Variants in RUBCN observed in about 807,000 individuals in gnomAD.
The protein encoded by RUBCN is rubicon autophagy regulator, also known as run domain Beclin-1-interacting and cysteine-rich domain-containing protein.
Under a neutral mutation model 113.2 loss-of-function variants are expected in RUBCN, and 74 were observed. That is an observed-to-expected ratio of 0.65 (90% CI 0.54 to 0.79). The LOEUF (loss-of-function observed/expected upper bound fraction) is 0.79. Among genes scored for constraint, RUBCN ranks in the 30% least tolerant of loss-of-function variants. The probability of loss-of-function intolerance (pLI) is 0.00; values close to 1 mark genes in which losing one functional copy is unlikely to be tolerated. For missense variants in RUBCN, 1,109 were observed against 1,251.7 expected, an observed-to-expected ratio of 0.89 and a Z score of 1.72; for synonymous variants, 480 against 490.0, an observed-to-expected ratio of 0.98 and a Z score of 0.27.
intron 1 of RUBCN, among the ~76,000 whole-genome samples, chr3:197,742,054 C>T (rs2109022973): frequency 6.6e-6 from 1 of 151,818 alleles, no homozygotes; most frequent in Non-Finnish European, 1.5e-5. Flanking sequence ...CCCGCTGCCG[C>T]CTGGCTAATT....
intron 1 of RUBCN, among the ~76,000 whole-genome samples, chr3:197,721,128 G>C (rs1029440907): frequency 1.3e-5 from 2 of 152,108 alleles, no homozygotes; most frequent in Non-Finnish European, 2.9e-5. Context: ...TGGCCTTGTA[G>C]AATGAGTTTG....
At chr3:197,694,628 T>C (rs369260536) in intron 9 of RUBCN, 43 bp from the exon 10 acceptor site, 4 of 1,502,762 alleles carry the variant, frequency 2.7e-6, no homozygotes, top group Non-Finnish European at 2.8e-6. Flanking sequence ...GTTAGAAGTA[T>C]TGAATGACAT....
upstream of RUBCN, among the ~76,000 whole-genome samples, chr3:197,739,410 AAG>A (rs1280035831): frequency 6.7e-6 from 1 of 150,204 alleles, no homozygotes; most frequent in Non-Finnish European, 1.5e-5. Context: ...AAAAAAAAAA[AAG>A]GCCGGGCGTG....
chr3:197,675,381 G>A lies in RUBCN; in HGVS notation c.2740+41C>T. 6.4e-7 allele frequency: 1 copy of A among 1,566,344 alleles called. No individual in the cohort carries two copies. Among genetic ancestry groups the A allele is most frequent in the South Asian group, 1.1e-5 (1 of 90,096 alleles). The stretch of plus-strand genomic sequence containing the variant: ...TGGCTCTGGGGAATCAAGGAGCCCT[G>A]TGTTCAGGCTCACTTGCCCGATGCC... On this transcript the variant is annotated intron_variant, in intron 19 of 19. Coordinates refer to ENST00000296343, the MANE Select transcript of RUBCN (RefSeq NM_014687.4). The surrounding 1 kb of genome is among the most constrained non-coding windows in gnomAD (Gnocchi z 4.4).
At chr3:197,748,676 T>C (rs530140705) in intron 1 of RUBCN, among the ~76,000 whole-genome samples, 2 of 152,338 alleles carry the variant, frequency 1.3e-5, no homozygotes, top group East Asian at 3.9e-4. Context: ...ATTGTTAAGG[T>C]GACCGCAAAA....
upstream of RUBCN, among the ~76,000 whole-genome samples, chr3:197,740,746 G>A (rs770727843): frequency 5.3e-5 from 8 of 151,410 alleles, no homozygotes; most frequent in African/African-American, 7.3e-5. Flanking sequence ...TCAGCCTCCC[G>A]AGTAGCTGGG....
chr3:197,687,451 G>A (rs1012019976), intron 11 of RUBCN, among the ~76,000 whole-genome samples: 2 of 152,164 alleles, frequency 1.3e-5, no homozygotes, highest in Non-Finnish European at 2.9e-5. Flanking sequence ...TGCCTGCTCT[G>A]CAATAACGGA....
intron 11 of RUBCN, among the ~76,000 whole-genome samples, chr3:197,690,881 G>A (rs1398211194): frequency 6.6e-6 from 1 of 152,212 alleles, no homozygotes; most frequent in Non-Finnish European, 1.5e-5. Context: ...GTCACATGAG[G>A]AAGAATCAGT....
intron 8 of RUBCN, 48 bp downstream of exon 8, chr3:197,696,906 T>C: frequency 1.0e-6 from 1 of 1,001,330 alleles, no homozygotes; most frequent in African/African-American, 1.6e-5. Context: ...GCACAAGGGG[T>C]GAGCAGAGAA....
At chr3:197,731,731 C>T (rs941632905) in intron 1 of RUBCN, among the ~76,000 whole-genome samples, 141 of 149,126 alleles carry the variant, frequency 9.5e-4, no homozygotes, top group Non-Finnish European at 1.7e-3. Context: ...CCGGATGGGG[C>T]GACTGGCCGG....
At chr3:197,712,947 C>A (rs1725122296) in intron 2 of RUBCN, among the ~76,000 whole-genome samples, 1 of 151,926 alleles carries the variant, frequency 6.6e-6, no homozygotes, top group African/African-American at 2.4e-5. Flanking sequence ...GCAACCTCCA[C>A]CTCCCAGGTT....
Position 197,746,933 on chromosome 3 carries a change from T to A in RUBCN, c.-116+2336A>T, listed in dbSNP as rs112130142. On this transcript the variant is annotated intron_variant, in intron 1 of 20. Transcript: ENST00000273582. ...TGTGCATCCGTCTTGCTCACTTTTT[T>A]TTTTTTTAATCCCCAGGGCCTATTA... 4.5e-3 allele frequency among the ~76,000 whole-genome samples: 686 copies of A among 152,150 alleles called. 6 individuals carry two copies. The highest frequency in any genetic ancestry group is 0.016 in the African/African-American group (656 of 41,498).
At chr3:197,730,885 C>CTTTTTTTTTTTTTTTTTTTTTTTTTTTTT (rs71166707) in intron 1 of RUBCN, among the ~76,000 whole-genome samples, 3 of 50,008 alleles carry the variant, frequency 6.0e-5, no homozygotes, top group South Asian at 8.5e-4. Flanking sequence ...TTAAAAGCAT[C>CTTTTTTTTTTTTTTTTTTTTTTTTTTTTT]TTTTTTTTTT....
chr3:197,717,826 T>C lies in RUBCN; in HGVS notation c.219+151A>G, dbSNP rs1725714699. ...CATCTATGGTCCATCAGACACGATGTGAAACGTTCTGTATATTAAAAAAAT... is the reference window on the plus strand; with the variant it reads ...CATCTATGGTCCATCAGACACGATGCGAAACGTTCTGTATATTAAAAAAAT... On this transcript the variant is annotated intron_variant, in intron 2 of 19. Transcript: ENST00000296343. 7.6e-6 allele frequency: 6 copies of C among 790,382 alleles called. No homozygotes were observed. The Admixed American group carries it at 1.2e-4, about 16-fold the overall frequency. 49.0% of individuals were successfully genotyped at this position (790,382 alleles called of 1,614,324 possible).
In RUBCN at chr3:197,731,045, G is replaced by T. The variant is rs913217913; in HGVS notation, c.65+5610C>A. Among the ~76,000 whole-genome samples the T allele has an allele frequency of 3.3e-5, 5 of 151,828 alleles. No individual in the cohort carries two copies. In the East Asian group the frequency reaches 7.7e-4, roughly 24 times the overall value. ...CATTCTTGGGTGTTTCTCGCAGAGG[G>T]GGATTTGGCAGGGTCACAGGACAAT... On this transcript the variant is annotated intron_variant, in intron 1 of 19. Coordinates refer to ENST00000296343, the MANE Select transcript of RUBCN (RefSeq NM_014687.4).
upstream of RUBCN, among the ~76,000 whole-genome samples, chr3:197,738,434 TAAA>T (rs1187942383): frequency 2.0e-5 from 3 of 152,234 alleles, no homozygotes; most frequent in African/African-American, 7.2e-5. Flanking sequence ...TTTTGGCAAT[TAAA>T]AATGAAATGA....
intron 2 of RUBCN, 42 bp from the exon 3 acceptor site, chr3:197,705,217 T>A (rs1388326578): frequency 6.4e-7 from 1 of 1,555,398 alleles, no homozygotes; most frequent in Admixed American, 1.7e-5. Context: ...ACGACCATTC[T>A]GGACCAGATC....
chr3:197,731,785 G>A (rs1263127915), intron 1 of RUBCN, among the ~76,000 whole-genome samples: 6 of 151,982 alleles, frequency 3.9e-5, no homozygotes, highest in East Asian at 1.9e-4. Flanking sequence ...TGGGGCGGCT[G>A]GCCGGGCGGG....
intron 2 of RUBCN, among the ~76,000 whole-genome samples, chr3:197,715,632 A>G (rs1003121926): frequency 2.0e-5 from 3 of 152,198 alleles, no homozygotes; most frequent in Non-Finnish European, 2.9e-5. Flanking sequence ...AAACTAAGGC[A>G]CAAAGAGGTT....
Sources: allele counts gnomAD v4.1 joint callset (sites outside exome capture counted in the v4.1 genomes callset), GRCh38; gene constraint gnomAD v4.1.1; non-coding constraint Gnocchi (gnomAD v3.1); transcripts MANE v1.5; gene names NCBI Gene and HGNC (gene_info 2026-07-23, HGNC 2026-07-21).